The following INTS2 variants were observed in gnomAD, a reference collection of about 807,000 sequenced individuals.
INTS2 encodes integrator complex subunit 2.
A neutral mutation model predicts 139.6 loss-of-function variants in INTS2; 57 were observed. The observed-to-expected ratio is 0.41, with a 90% CI of 0.33 to 0.51. INTS2 has a LOEUF of 0.51. Among genes scored for constraint, INTS2 ranks in the 20% least tolerant of loss-of-function variants. The pLI is 0.28. For synonymous variants in INTS2, 473 were observed against 493.4 expected, an observed-to-expected ratio of 0.96 and a Z score of 0.55; for missense variants, 1,196 against 1,436.7, an observed-to-expected ratio of 0.83 and a Z score of 2.71.
rs1296291118 is a variant in INTS2, at chr17:61,897,195, C to T, written c.1494+274G>A. Among the ~76,000 whole-genome samples the T allele has an allele frequency of 1.3e-5, 2 of 151,964 alleles. No homozygotes were observed. The highest frequency in any genetic ancestry group is 3.8e-4 in the East Asian group (2 of 5,202). On this transcript the variant is annotated intron_variant, in intron 11 of 24. Transcript: ENST00000251334. The surrounding 1 kb of genome is among the most constrained non-coding windows in gnomAD (Gnocchi z 4.4). Reference sequence around the variant, plus strand: ...TATGTACGTCACTTTAAAGAAAGAACAGACATCAGAATATTAATAGTAGTA... The same window carrying T: ...TATGTACGTCACTTTAAAGAAAGAATAGACATCAGAATATTAATAGTAGTA...
Position 61,870,892 on chromosome 17 carries a change from G to A in INTS2, c.2779-904C>T, listed in dbSNP as rs2079083463. Among the ~76,000 whole-genome samples, 1 of 152,118 alleles carries A rather than the reference G, an allele frequency of 6.6e-6. No individual in the cohort carries two copies. The highest frequency in any genetic ancestry group is 2.4e-5 in the African/African-American group (1 of 41,420). On this transcript the variant is annotated intron_variant, in intron 20 of 24. Coordinates refer to ENST00000251334, the MANE Select transcript of INTS2 (RefSeq NM_001351695.2). The surrounding 1 kb of genome is among the most constrained non-coding windows in gnomAD (Gnocchi z 4.4). ...TGACATTTACTAAATGTGTAACCAT[G>A]AGCAAGTCACTTAACTTCTCTGGGT...
chr17:61,890,513 G>A lies in INTS2; in HGVS notation c.1876-619C>T, dbSNP rs149572796. On this transcript the variant is annotated intron_variant, in intron 14 of 24. Transcript: ENST00000251334. The stretch of plus-strand genomic sequence containing the variant: ...TAATCCCTGCTACTCGAGAGGCTGA[G>A]GCATGAGAATCACTTGAACCCAGGA... 9.1e-3 allele frequency among the ~76,000 whole-genome samples: 1,385 copies of A among 151,664 alleles called. 10 individuals carry two copies. The highest frequency in any genetic ancestry group is 0.023 in the South Asian group (110 of 4,800).
rs766945289 is a variant in INTS2, at chr17:61,904,573, T to A, written c.1194A>T (p.Glu398Asp). ...TCAACTGCAGTAATTGCTCAGCTTC[T>A]TCTTCAGTTGGTCTAAAAAGGAATA... ...MGIAGLKPTEEEAEQLLQLMT... is the reference protein window; with the variant it reads ...MGIAGLKPTEDEAEQLLQLMT... The change falls in exon 9 of 25, where the codon GAA becomes GAT. Residue 398 changes from glutamate to aspartate, a missense_variant. This residue lies in a region of INTS2 where 1,129 missense variants were observed against 1,341.9 expected (regional missense o/e 0.84). Coordinates refer to ENST00000251334, the MANE Select transcript of INTS2 (RefSeq NM_001351695.2). The A allele has an allele frequency of 6.2e-7, 1 of 1,611,014 alleles. No homozygotes were observed. Among genetic ancestry groups the A allele is most frequent in the Non-Finnish European group, 8.5e-7 (1 of 1,178,896 alleles).
rs1402146297 is a variant in INTS2 at position 61,919,290 on chromosome 17, GATAAAATCTCAA to G, written c.649+98_649+109del. 7 of 614,858 alleles carry G rather than the reference GATAAAATCTCAA, an allele frequency of 1.1e-5. No individual in the cohort carries two copies. The Admixed American group carries it at 1.8e-4, about 16-fold the overall frequency. 38.1% of individuals were successfully genotyped at this position (614,858 alleles called of 1,614,324 possible). A position where few individuals can be genotyped will look rare whatever the true frequency, so the allele number is the denominator to read the frequency against. On this transcript the variant is annotated intron_variant, in intron 5 of 24. Coordinates refer to ENST00000251334, the MANE Select transcript of INTS2 (RefSeq NM_001351695.2). ...TATACATACTAACAAACTTTCAAAA[GATAAAATCTCAA>G]ATAAAATCCCATTAATGTTTCTTCT... is the stretch of plus-strand genomic sequence containing the variant.
intron 16 of INTS2, among the ~76,000 whole-genome samples, chr17:61,883,052 T>C (rs138271899): frequency 7.9e-5 from 12 of 152,288 alleles, no homozygotes; most frequent in Admixed American, 7.8e-4. Context: ...CTTTAACATT[T>C]AAACTTCTAA....
At position 61,868,937 on chromosome 17, in the gene INTS2, G is replaced by C; in HGVS notation, c.3244+97C>G. On this transcript the variant is annotated intron_variant, in intron 23 of 24. Transcript: ENST00000251334. This position sits in a 1 kb window ranked among gnomAD's most constrained non-coding sequence, Gnocchi z 4.7. The stretch of plus-strand genomic sequence containing the variant: ...ACACATATTGTATCATACTGTCTCA[G>C]AGTGACAGAAAAAACATATTGCATC... 1.4e-6 allele frequency: 1 copy of C among 722,270 alleles called. No homozygotes were observed. Among genetic ancestry groups the C allele is most frequent in the Non-Finnish European group, 2.4e-6 (1 of 414,260 alleles). 44.7% of individuals were successfully genotyped at this position (722,270 alleles called of 1,614,324 possible).
chr17:61,905,428 G>A (rs2079451483), intron 8 of INTS2, among the ~76,000 whole-genome samples: 1 of 152,158 alleles, frequency 6.6e-6, no homozygotes, highest in Non-Finnish European at 1.5e-5. Flanking sequence ...CTAAGTTCAA[G>A]CAATTCTCCT....
At position 61,912,058 on chromosome 17, in the gene INTS2, A is replaced by G. The variant is rs2079532327; in HGVS notation, c.662T>C (p.Leu221Pro). 1 of 1,613,498 alleles carries G rather than the reference A, an allele frequency of 6.2e-7. No homozygotes were observed. Among genetic ancestry groups the G allele is most frequent in the African/African-American group, 1.3e-5 (1 of 75,012 alleles). The change falls in exon 6 of 25, where the codon CTG becomes CCG. Residue 221 changes from leucine to proline, a missense_variant. Physicochemically the swap from Leu to Pro is moderately conservative, Grantham distance 98. Coordinates refer to ENST00000251334, the MANE Select transcript of INTS2 (RefSeq NM_001351695.2). ...ATCTTGTCGTTCTCCATTTTTTATC[A>G]GGCCCCTACAAACTAACATGATAGA... ...PDSFNEVCRGLIKNGERQDEE... is the reference protein window; with the variant it reads ...PDSFNEVCRGPIKNGERQDEE...
intron 7 of INTS2, among the ~76,000 whole-genome samples, chr17:61,908,189 C>T (rs1417172702): frequency 6.6e-6 from 1 of 152,096 alleles, no homozygotes; most frequent in Admixed American, 6.6e-5. Flanking sequence ...CCAAGGCGGA[C>T]GGATCACTTG....
At chr17:61,913,260 C>T (rs759214518) in intron 5 of INTS2, among the ~76,000 whole-genome samples, 1 of 150,896 alleles carries the variant, frequency 6.6e-6, no homozygotes, top group Non-Finnish European at 1.5e-5. Flanking sequence ...ACTGCTTTAA[C>T]CCCAGGGGAG....
At chr17:61,926,054 T>A (rs1201493461) in intron 2 of INTS2, among the ~76,000 whole-genome samples, 1 of 151,334 alleles carries the variant, frequency 6.6e-6, no homozygotes, top group Non-Finnish European at 1.5e-5. Flanking sequence ...GCCTCCCAAG[T>A]GATTCCAATA....
At chr17:61,912,132 T>G in intron 5 of INTS2, 62 bp from the exon 6 acceptor site, 2 of 1,547,768 alleles carry the variant, frequency 1.3e-6, no homozygotes, top group East Asian at 2.3e-5. Flanking sequence ...AGATTTCACA[T>G]GACAGAAGAA....
chr17:61,917,887 AAG>A (rs1469007288), intron 5 of INTS2, among the ~76,000 whole-genome samples: 1 of 152,226 alleles, frequency 6.6e-6, no homozygotes, highest in Non-Finnish European at 1.5e-5. Context: ...TGTGAAAACT[AAG>A]AATAAAGAAA....
intron 15 of INTS2, among the ~76,000 whole-genome samples, chr17:61,887,512 G>A (rs921569663): frequency 6.7e-6 from 1 of 149,960 alleles, no homozygotes; most frequent in Non-Finnish European, 1.5e-5. Context: ...GACTATATGT[G>A]CACGATTAAA....
rs769164528 is a variant in INTS2 at position 61,876,579 on chromosome 17, C to T, written c.2456+1308G>A. The stretch of plus-strand genomic sequence containing the variant: ...TCAGCCCACCAAGTAGCTGGGAATA[C>T]AGGCATGCATGCACCACCATGCCCT... On this transcript the variant is annotated intron_variant, in intron 18 of 24. Coordinates refer to ENST00000251334, the MANE Select transcript of INTS2 (RefSeq NM_001351695.2). The surrounding 1 kb of genome is among the most constrained non-coding windows in gnomAD (Gnocchi z 4.1). Among the ~76,000 whole-genome samples, 1 of 152,048 alleles carries T rather than the reference C, an allele frequency of 6.6e-6. No individual in the cohort carries two copies. Among genetic ancestry groups the T allele is most frequent in the Non-Finnish European group, 1.5e-5 (1 of 68,014 alleles).
In INTS2 at chr17:61,866,343, G is replaced by A. The variant is rs9630735; in HGVS notation, c.*1214C>T. ...CTGCACTCCAGCCTGGGCAACAGGG[G>A]AAGACTCCACCTCAGGAAAAAAAAA... On this transcript the variant is annotated 3_prime_UTR_variant, in exon 25 of 25. Coordinates refer to ENST00000251334, the MANE Select transcript of INTS2 (RefSeq NM_001351695.2). 1 of 148,272 alleles carries A rather than the reference G, an allele frequency of 6.7e-6. No homozygotes were observed. Among genetic ancestry groups the A allele is most frequent in the East Asian group, 2.0e-4 (1 of 5,014 alleles). 9.2% of individuals were successfully genotyped at this position (148,272 alleles called of 1,614,324 possible).
At chr17:61,922,548 G>GTATATATATATATAAA (rs1491297129) in intron 3 of INTS2, among the ~76,000 whole-genome samples, 1 of 81,038 alleles carries the variant, frequency 1.2e-5, no homozygotes, top group Non-Finnish European at 3.0e-5. Flanking sequence ...ATATATATAC[G>GTATATATATATATAAA]TGTTCAATTC....
rs2079714891 is a variant in INTS2, at chr17:61,926,451, C to T, written c.194G>A (p.Arg65His). Reference protein sequence around the residue: ...SWAQDKKLILRLLSGVEAVNS... With the variant: ...SWAQDKKLILHLLSGVEAVNS... ...GACAGCTTCCACTCCAGAAAGAAGG[C>T]GAAGGATGAGTTTCTTATCCTGAGC... is the stretch of plus-strand genomic sequence containing the variant. The change falls in exon 2 of 25, where the codon CGC becomes CAC. Residue 65 changes from arginine to histidine, a missense_variant. Transcript: ENST00000251334. 9 of 1,613,826 alleles carry T rather than the reference C, an allele frequency of 5.6e-6. No homozygotes were observed. The highest frequency in any genetic ancestry group is 2.7e-5 in the African/African-American group (2 of 74,904).
intron 4 of INTS2, 41 bp downstream of exon 4, chr17:61,921,684 G>A: frequency 1.0e-6 from 1 of 987,494 alleles, no homozygotes; most frequent in Non-Finnish European, 1.5e-6. Context: ...CATTTAACAA[G>A]AAACTATATA....
Sources: allele counts gnomAD v4.1 joint callset (sites outside exome capture counted in the v4.1 genomes callset), GRCh38; gene constraint gnomAD v4.1.1; regional missense constraint gnomAD v4.1.1; non-coding constraint Gnocchi (gnomAD v3.1); transcripts MANE v1.5; gene names NCBI Gene and HGNC (gene_info 2026-07-23, HGNC 2026-07-21).